The following RFWD3 variants were observed in gnomAD, a reference collection of about 807,000 sequenced individuals.
The protein encoded by RFWD3 is ring finger and WD repeat domain 3, also known as E3 ubiquitin-protein ligase RFWD3.
A neutral mutation model predicts 87.7 loss-of-function variants in RFWD3; 65 were observed. The observed-to-expected ratio is 0.74, with a 90% confidence interval of 0.61 to 0.91. RFWD3 has a LOEUF of 0.91. Among genes scored for constraint, RFWD3 ranks in the 40% least tolerant of loss-of-function variants. The probability of loss-of-function intolerance (pLI) is 0.00; values close to 1 mark genes in which losing one functional copy is unlikely to be tolerated. For missense variants in RFWD3, 1,078 were observed against 938.5 expected, an observed-to-expected ratio of 1.15 and a Z score of -1.94; for synonymous variants, 433 against 352.8, an observed-to-expected ratio of 1.23 and a Z score of -2.55.
intron 3 of RFWD3, 124 bp downstream of exon 3, chr16:74,651,796 G>C: frequency 1.2e-6 from 1 of 820,192 alleles, no homozygotes; most frequent in Non-Finnish European, 2.0e-6. Context: ...CTATAAAACA[G>C]GAATCCACAA....
chr16:74,653,982 T>C (rs1017940801), intron 2 of RFWD3, among the ~76,000 whole-genome samples: 7 of 152,204 alleles, frequency 4.6e-5, no homozygotes, highest in African/African-American at 1.7e-4. Context: ...AATTGAGATA[T>C]AATATACTAT....
intron 11 of RFWD3, 61 bp from the exon 12 acceptor site, chr16:74,626,615 AC>A: frequency 7.3e-7 from 1 of 1,374,782 alleles, no homozygotes; most frequent in African/African-American, 1.4e-5. Flanking sequence ...TTAACCAAGT[AC>A]CCAAACCTCA....
intron 1 of RFWD3, chr16:74,664,644 G>A (rs928463845): frequency 1.2e-4 from 18 of 152,148 alleles, no homozygotes; most frequent in African/African-American, 3.4e-4. Flanking sequence ...AGCTACTTGG[G>A]AGGCTGAGGC....
intron 8 of RFWD3, 34 bp from the exon 9 acceptor site, chr16:74,632,707 T>C (rs373095908): frequency 6.2e-7 from 1 of 1,607,934 alleles, no homozygotes; most frequent in Non-Finnish European, 8.5e-7. Flanking sequence ...AATAGATCAC[T>C]GAAAGTGAAC....
intron 12 of RFWD3, among the ~76,000 whole-genome samples, chr16:74,624,550 C>A (rs1208415209): frequency 2.0e-5 from 3 of 152,194 alleles, no homozygotes; most frequent in Non-Finnish European, 4.4e-5. Flanking sequence ...CATCCACCAC[C>A]ACGCCCGGCT....
At chr16:74,635,172 C>A (rs949934463) in intron 8 of RFWD3, among the ~76,000 whole-genome samples, 8 of 151,874 alleles carry the variant, frequency 5.3e-5, no homozygotes, top group African/African-American at 1.9e-4. Context: ...CCCAGCTACT[C>A]AGGAGGCTGA....
intron 7 of RFWD3, among the ~76,000 whole-genome samples, chr16:74,637,621 A>AT (rs1338500670): frequency 6.6e-6 from 1 of 152,188 alleles, no homozygotes; most frequent in Non-Finnish European, 1.5e-5. Flanking sequence ...TGACAGAGTG[A>AT]GACTCTGCCT....
At position 74,644,530 on chromosome 16, in the gene RFWD3, A is replaced by G; in HGVS notation, c.987+11T>C. ...TTAACATGTTAATGTGTCCTTACCT[A>G]TGGTCCTTACCTGGGGACATTTTCG... On this transcript the variant is annotated intron_variant, in intron 5 of 12. Coordinates refer to ENST00000361070, the MANE Select transcript of RFWD3 (RefSeq NM_018124.4). 2 of 1,614,084 alleles carry G rather than the reference A, an allele frequency of 1.2e-6. No individual in the cohort carries two copies.
chr16:74,632,636 C>T lies in RFWD3; in HGVS notation c.1464G>A (p.Lys488=), dbSNP rs1307380198. ...CATGCATCGGAATGTACTGACTGCT[C>T]TTCATGTTGGCAGTACTCAACATCT... The part of the protein sequence containing the change: ...GVKMLSTANM[K]SSQYIPMHGK... The change falls in exon 9 of 13, where the codon AAG becomes AAA. Residue 488 remains lysine, a synonymous_variant. Transcript: ENST00000361070. The T allele has an allele frequency of 3.7e-6, 6 of 1,614,062 alleles. No homozygotes were observed. The highest frequency in any genetic ancestry group is 4.2e-6 in the Non-Finnish European group (5 of 1,179,974).
At chr16:74,649,249 A>G in intron 3 of RFWD3, 47 bp from the exon 4 acceptor site, 1 of 1,368,940 alleles carries the variant, frequency 7.3e-7, no homozygotes, top group Non-Finnish European at 1.0e-6. Context: ...AATACAAAAT[A>G]AGATATGTCA....
At chr16:74,653,835 A>G (rs1392789763) in intron 2 of RFWD3, among the ~76,000 whole-genome samples, 1 of 152,214 alleles carries the variant, frequency 6.6e-6, no homozygotes, top group African/African-American at 2.4e-5. Flanking sequence ...TAGGGCTTTG[A>G]CTAAATGCTA....
chr16:74,632,116 C>A (rs562967201), intron 9 of RFWD3, among the ~76,000 whole-genome samples: 1 of 152,072 alleles, frequency 6.6e-6, no homozygotes, highest in African/African-American at 2.4e-5. Flanking sequence ...GTCGGCTGGG[C>A]GCAGTGGCTC....
chr16:74,638,897 A>C (rs1959382180), intron 6 of RFWD3, among the ~76,000 whole-genome samples: 1 of 152,208 alleles, frequency 6.6e-6, no homozygotes, highest in African/African-American at 2.4e-5. Flanking sequence ...AGTATAGCCT[A>C]CTACACACCT....
chr16:74,642,864 T>C (rs1380477779), intron 6 of RFWD3, among the ~76,000 whole-genome samples: 1 of 152,230 alleles, frequency 6.6e-6, no homozygotes, highest in East Asian at 1.9e-4. Context: ...TAAAAGGCTG[T>C]TCGTTTTATT....
intron 8 of RFWD3, among the ~76,000 whole-genome samples, chr16:74,635,184 G>C (rs1959184022): frequency 6.6e-6 from 1 of 152,044 alleles, no homozygotes; most frequent in Non-Finnish European, 1.5e-5. Flanking sequence ...GGAGGCTGAG[G>C]CAGAATGGCA....
chr16:74,659,839 A>G (rs1422242965), intron 2 of RFWD3, among the ~76,000 whole-genome samples: 1 of 152,224 alleles, frequency 6.6e-6, no homozygotes, highest in Non-Finnish European at 1.5e-5. Flanking sequence ...TTTGTAAAAC[A>G]TGGGTAATAG....
chr16:74,639,099 C>T (rs931976443), intron 6 of RFWD3, among the ~76,000 whole-genome samples: 1 of 145,532 alleles, frequency 6.9e-6, no homozygotes, highest in Non-Finnish European at 1.5e-5. Context: ...AGAGCAGTGG[C>T]GTGATCCAGG....
rs756054495 is a variant in RFWD3 at position 74,661,144 on chromosome 16, ATGT to A, written c.303_305del (p.Gln101del). ...TGTGATTACCATCAGATCCCTGCCT[ATGT>A]TGTTCTGAAGTTCTTGGATTGATGT... On this transcript the variant is annotated inframe_deletion, in exon 2 of 13. Transcript: ENST00000361070. The A allele has an allele frequency of 2.5e-6, 4 of 1,614,164 alleles. No homozygotes were observed. In the Admixed American group the frequency reaches 6.7e-5, roughly 27 times the overall value.
Position 74,644,570 on chromosome 16 carries a change from G to A in RFWD3, c.958C>T (p.Leu320Phe). The change falls in exon 5 of 13, where the codon CTT becomes TTT. Residue 320 changes from leucine to phenylalanine, a missense_variant. Transcript: ENST00000361070. ...GGACATTTTCGTACTTGTCCTTTAA[G>A]CCACGTGGAAATGCACCTATACCCA... ...LFGYRCISTW[L>F]KGQVRKCPQC... The A allele has an allele frequency of 6.2e-7, 1 of 1,614,134 alleles. No homozygotes were observed. The highest frequency in any genetic ancestry group is 8.5e-7 in the Non-Finnish European group (1 of 1,180,038).
Sources: allele counts gnomAD v4.1 joint callset (sites outside exome capture counted in the v4.1 genomes callset), GRCh38; gene constraint gnomAD v4.1.1; transcripts MANE v1.5; gene names NCBI Gene and HGNC (gene_info 2026-07-23, HGNC 2026-07-21).